FOXN2: variants seen among roughly 807,000 people sequenced by gnomAD.
FOXN2 encodes the protein forkhead box protein N2.
A neutral mutation model predicts 41.2 loss-of-function variants in FOXN2; 19 were observed. The ratio of observed to expected loss-of-function variants is 0.46; its 90% CI spans 0.32 to 0.68. FOXN2 has a LOEUF of 0.68. Among genes scored for constraint, FOXN2 ranks in the 30% least tolerant of loss-of-function variants. The pLI is 0.03. For missense variants in FOXN2, 587 were observed against 509.4 expected, an observed-to-expected ratio of 1.15 and a Z score of -1.47; for synonymous variants, 195 against 176.8, an observed-to-expected ratio of 1.10 and a Z score of -0.82.
intron 2 of FOXN2, among the ~76,000 whole-genome samples, chr2:48,342,120 G>A (rs1572728456): frequency 6.6e-6 from 1 of 152,076 alleles, no homozygotes; most frequent in African/African-American, 2.4e-5. Flanking sequence ...GAAAAATTGG[G>A]AAATAGAACA....
At chr2:48,350,453 T>C (rs1272819637) in intron 3 of FOXN2, among the ~76,000 whole-genome samples, 1 of 152,242 alleles carries the variant, frequency 6.6e-6, no homozygotes, top group African/African-American at 2.4e-5. Flanking sequence ...ATACTTCTCT[T>C]TTAGCAACAG....
intron 2 of FOXN2, chr2:48,340,676 A>T (rs1670697835): frequency 6.6e-6 from 1 of 152,008 alleles, no homozygotes; most frequent in African/African-American, 2.4e-5. Flanking sequence ...TTATTTATTT[A>T]TTTATTGATG....
chr2:48,351,284 G>A (rs1045266465), intron 3 of FOXN2, among the ~76,000 whole-genome samples: 4 of 148,772 alleles, frequency 2.7e-5, no homozygotes, highest in East Asian at 2.0e-4. Context: ...AATGTTTTTC[G>A]TTTTGTTTTG....
chr2:48,358,310 A>G (rs371817477), intron 3 of FOXN2, among the ~76,000 whole-genome samples: 4 of 152,084 alleles, frequency 2.6e-5, no homozygotes, highest in Non-Finnish European at 2.9e-5. Context: ...TTTTGCAGCT[A>G]TGTCTCTTGC....
rs1023363866 is a variant in FOXN2 at position 48,370,072 on chromosome 2, A to C, written c.704-3220A>C. Among the ~76,000 whole-genome samples the C allele has an allele frequency of 3.9e-5, 6 of 152,124 alleles. No individual in the cohort carries two copies. In the East Asian group the frequency reaches 1.2e-3, roughly 29 times the overall value. ...GTAATCTCTCTGTTGGGGCTTTTGC[A>C]TAATGCCATGCAAGTTGTGCCCTCT... On this transcript the variant is annotated intron_variant, in intron 5 of 6. Transcript: ENST00000340553.
rs1035691386 is a variant in FOXN2, at chr2:48,378,011, A to G, written c.*2568A>G. 13 of 152,194 alleles carry G rather than the reference A, an allele frequency of 8.5e-5. No individual in the cohort carries two copies. The highest frequency in any genetic ancestry group is 1.4e-4 in the African/African-American group (6 of 41,448). 9.4% of individuals were successfully genotyped at this position (152,194 alleles called of 1,614,324 possible). On this transcript the variant is annotated 3_prime_UTR_variant, in exon 7 of 7. Coordinates refer to ENST00000340553, the MANE Select transcript of FOXN2 (RefSeq NM_002158.4). Reference sequence around the variant, plus strand: ...CCAAGGAGGTTACATGTTTTCCAACATATCCTAAAAACTGTGATATAAGCT... The same window carrying G: ...CCAAGGAGGTTACATGTTTTCCAACGTATCCTAAAAACTGTGATATAAGCT...
rs1379373222 is a variant in FOXN2 at position 48,373,363 on chromosome 2, A to G, written c.772+3A>G. The G allele has an allele frequency of 2.6e-6, 4 of 1,556,410 alleles. No individual in the cohort carries two copies. The highest frequency in any genetic ancestry group is 2.8e-5 in the African/African-American group (2 of 71,812). On this transcript the variant is annotated splice_donor_region_variant and intron_variant, in intron 6 of 6. Coordinates refer to ENST00000340553, the MANE Select transcript of FOXN2 (RefSeq NM_002158.4). Reference sequence around the variant, plus strand: ...TATAGAACAAGGAATTTTAGAATGTAAGTAATCATGCCTTTTTTAAAAAAA... The same window carrying G: ...TATAGAACAAGGAATTTTAGAATGTGAGTAATCATGCCTTTTTTAAAAAAA...
At chr2:48,353,251 A>AC (rs1315308175) in intron 3 of FOXN2, among the ~76,000 whole-genome samples, 2 of 151,618 alleles carry the variant, frequency 1.3e-5, no homozygotes, top group Non-Finnish European at 2.9e-5. Flanking sequence ...TCCATGATCT[A>AC]CCCCCACAAG....
chr2:48,376,908 A>C lies in FOXN2; in HGVS notation c.*1465A>C, dbSNP rs1321769584. 2 of 152,508 alleles carry C rather than the reference A, an allele frequency of 1.3e-5. No individual in the cohort carries two copies. The highest frequency in any genetic ancestry group is 3.8e-4 in the East Asian group (2 of 5,198). The allele number at this position is 152,508 out of a possible 1,614,324, so 9.4% of individuals were successfully genotyped here. On this transcript the variant is annotated 3_prime_UTR_variant, in exon 7 of 7. Coordinates refer to ENST00000340553, the MANE Select transcript of FOXN2 (RefSeq NM_002158.4). ...TACACATACATATACACATATGCAC[A>C]GTCAAGGTCATGATGTTGATTTGCT...
chr2:48,370,541 A>C (rs533926729), intron 5 of FOXN2, among the ~76,000 whole-genome samples: 1 of 150,726 alleles, frequency 6.6e-6, no homozygotes, highest in Non-Finnish European at 1.5e-5. Context: ...TTTCCCCAAC[A>C]CTCTATTTCC....
intron 3 of FOXN2, among the ~76,000 whole-genome samples, chr2:48,357,003 C>T (rs923448262): frequency 6.6e-6 from 1 of 152,022 alleles, no homozygotes; most frequent in Non-Finnish European, 1.5e-5. Flanking sequence ...TCATCTAAGC[C>T]CAATAATATA....
intron 5 of FOXN2, among the ~76,000 whole-genome samples, chr2:48,367,462 T>C (rs1022478710): frequency 2.6e-5 from 4 of 152,202 alleles, no homozygotes; most frequent in African/African-American, 9.6e-5. Flanking sequence ...CTTACTGAAA[T>C]GAAACTAAAC....
At chr2:48,356,462 A>G (rs956627656) in intron 3 of FOXN2, among the ~76,000 whole-genome samples, 7 of 152,186 alleles carry the variant, frequency 4.6e-5, no homozygotes, top group Non-Finnish European at 1.0e-4. Flanking sequence ...TTAATATCCA[A>G]GTCTTGTATG....
At chr2:48,369,594 G>C (rs1050083213) in intron 5 of FOXN2, among the ~76,000 whole-genome samples, 1 of 152,088 alleles carries the variant, frequency 6.6e-6, no homozygotes, top group African/African-American at 2.4e-5. Context: ...ATATTTTATA[G>C]GTGCTTCATT....
At chr2:48,339,413 T>C (rs1670589278) in intron 2 of FOXN2, among the ~76,000 whole-genome samples, 2 of 152,184 alleles carry the variant, frequency 1.3e-5, no homozygotes, top group African/African-American at 4.8e-5. Context: ...TTCCCCAGTT[T>C]GCTCAGCACT....
At chr2:48,345,683 A>G (rs62137007) in intron 2 of FOXN2, among the ~76,000 whole-genome samples, 1 of 151,918 alleles carries the variant, frequency 6.6e-6, no homozygotes, top group Non-Finnish European at 1.5e-5. Flanking sequence ...GACGTGCTGT[A>G]AAAATAGTAT....
chr2:48,340,785 A>C (rs966192758), intron 2 of FOXN2: 8 of 152,216 alleles, frequency 5.3e-5, no homozygotes, highest in Non-Finnish European at 1.0e-4. Context: ...AATTGCACTC[A>C]GATAAACCTC....
intron 3 of FOXN2, among the ~76,000 whole-genome samples, chr2:48,358,159 G>A (rs1207766910): frequency 1.3e-5 from 2 of 150,436 alleles, no homozygotes; most frequent in South Asian, 2.1e-4. Flanking sequence ...CAGAACTAAT[G>A]TATTTTTTTC....
chr2:48,324,932 AT>A (rs1372533945), intron 1 of FOXN2, among the ~76,000 whole-genome samples: 1 of 152,192 alleles, frequency 6.6e-6, no homozygotes, highest in African/African-American at 2.4e-5. Context: ...TAGGTCTTAA[AT>A]ATTAGGGTTT....
Sources: gnomAD v4.1 joint callset for allele counts (sites outside exome capture counted in the v4.1 genomes callset) on GRCh38, gnomAD v4.1.1 for gene constraint, MANE v1.5 for transcripts, NCBI Gene and HGNC (gene_info 2026-07-23, HGNC 2026-07-21) for gene names.